Variants in CAP2 observed in about 807,000 individuals in gnomAD.
CAP2 encodes cyclase associated actin cytoskeleton regulatory protein 2, also known as adenylyl cyclase-associated protein 2.
A neutral mutation model predicts 57.7 loss-of-function variants in CAP2; 24 were observed. That is an observed-to-expected ratio of 0.42 (90% confidence interval 0.30 to 0.58). The LOEUF (loss-of-function observed/expected upper bound fraction) is 0.58, where lower values mean the gene tolerates loss of function less well. CAP2 is among the 20% of genes least tolerant of loss of function. The pLI is 0.22. For missense variants in CAP2, 501 were observed against 590.3 expected, an observed-to-expected ratio of 0.85 and a Z score of 1.57; for synonymous variants, 194 against 207.2, an observed-to-expected ratio of 0.94 and a Z score of 0.55.
chr6:17,464,498 C>T (rs565769827), intron 4 of CAP2, among the ~76,000 whole-genome samples: 2 of 152,286 alleles, frequency 1.3e-5, no homozygotes, highest in East Asian at 3.9e-4. Context: ...CCCAGCCATG[C>T]TTGTGCAGTA....
intron 7 of CAP2, among the ~76,000 whole-genome samples, chr6:17,529,099 T>C (rs1762576345): frequency 6.6e-6 from 1 of 152,110 alleles, no homozygotes; most frequent in Admixed American, 6.6e-5. Flanking sequence ...AATAAGAGAA[T>C]GGAGACAAAA....
At chr6:17,516,297 A>G (rs528765153) in intron 7 of CAP2, among the ~76,000 whole-genome samples, 2 of 152,228 alleles carry the variant, frequency 1.3e-5, no homozygotes, top group South Asian at 4.2e-4. Context: ...AGCCCCTAGT[A>G]TAGTGCCTGG....
intron 1 of CAP2, among the ~76,000 whole-genome samples, chr6:17,402,390 C>T (rs187695970): frequency 3.2e-4 from 49 of 152,252 alleles, no homozygotes; most frequent in African/African-American, 1.4e-4. Context: ...GTATAAATTT[C>T]GTTTCAGGGG....
intron 1 of CAP2, among the ~76,000 whole-genome samples, chr6:17,415,483 T>G (rs1759250585): frequency 6.6e-6 from 1 of 152,230 alleles, no homozygotes; most frequent in African/African-American, 2.4e-5. Context: ...AAATGAAAAT[T>G]TCTCCTATGA....
chr6:17,499,417 A>AT (rs1761744699), intron 4 of CAP2, among the ~76,000 whole-genome samples: 1 of 151,272 alleles, frequency 6.6e-6, no homozygotes, highest in South Asian at 2.1e-4. Flanking sequence ...AAAAAAAAAA[A>AT]AAATTAAAGT....
At chr6:17,451,296 G>A (rs1218881610) in intron 3 of CAP2, among the ~76,000 whole-genome samples, 1 of 151,530 alleles carries the variant, frequency 6.6e-6, no homozygotes, top group Non-Finnish European at 1.5e-5. Context: ...AATGTTTCTT[G>A]TGTTTTGTCA....
intron 2 of CAP2, among the ~76,000 whole-genome samples, chr6:17,425,528 A>G (rs575947292): frequency 6.6e-6 from 1 of 152,200 alleles, no homozygotes; most frequent in Non-Finnish European, 1.5e-5. Context: ...AACTGTTTGT[A>G]AGGTCATTAT....
At chr6:17,528,537 G>A (rs1284388561) in intron 7 of CAP2, among the ~76,000 whole-genome samples, 1 of 152,156 alleles carries the variant, frequency 6.6e-6, no homozygotes. Flanking sequence ...AGGAGGGTGG[G>A]AGGAGTGGAG....
intron 4 of CAP2, among the ~76,000 whole-genome samples, chr6:17,478,788 T>TC (rs1162715769): frequency 1.3e-5 from 2 of 152,110 alleles, no homozygotes; most frequent in Non-Finnish European, 2.9e-5. Flanking sequence ...TTCCTCCTTA[T>TC]CATTTGACCA....
intron 4 of CAP2, among the ~76,000 whole-genome samples, chr6:17,500,315 G>A (rs1020316515): frequency 9.0e-6 from 1 of 110,786 alleles, no homozygotes; most frequent in Non-Finnish European, 1.9e-5. Context: ...ATTAGAATGT[G>A]TCCAAATATA....
chr6:17,544,132 A>AG (rs1055594465), intron 11 of CAP2, among the ~76,000 whole-genome samples: 4 of 151,290 alleles, frequency 2.6e-5, no homozygotes, highest in African/African-American at 7.3e-5. Flanking sequence ...CTCAAAAAAA[A>AG]AAAAAGAAAA....
intron 1 of CAP2, among the ~76,000 whole-genome samples, chr6:17,403,495 T>C (rs1488105869): frequency 1.3e-5 from 2 of 152,232 alleles, no homozygotes; most frequent in East Asian, 3.8e-4. Flanking sequence ...CCAATAAAGT[T>C]GCTTTTTATT....
rs747710559 is a variant in CAP2, at chr6:17,420,502, C to T, written c.-1-1053C>T. On this transcript the variant is annotated intron_variant, in intron 1 of 12. Coordinates refer to ENST00000229922, the MANE Select transcript of CAP2 (RefSeq NM_006366.3). ...GATGCTCAGAGTCATAAACTCAGTTCTCCTGGGCAGGGTTGTTTGGTTTTA... is the reference window on the plus strand; with the variant it reads ...GATGCTCAGAGTCATAAACTCAGTTTTCCTGGGCAGGGTTGTTTGGTTTTA... Among the ~76,000 whole-genome samples, 78 of 152,316 alleles carry T rather than the reference C, an allele frequency of 5.1e-4. 1 individual carries two copies. In the Middle Eastern group the frequency reaches 0.014, roughly 27 times the overall value.
At chr6:17,533,649 A>G (rs1330036406) in intron 7 of CAP2, among the ~76,000 whole-genome samples, 2 of 151,136 alleles carry the variant, frequency 1.3e-5, no homozygotes, top group Non-Finnish European at 2.9e-5. Context: ...GCTCACTGCA[A>G]CCTCTGCCTC....
intron 7 of CAP2, among the ~76,000 whole-genome samples, chr6:17,524,984 C>A (rs1239126400): frequency 6.6e-6 from 1 of 150,772 alleles, no homozygotes; most frequent in African/African-American, 2.5e-5. Context: ...GCAACCTCTG[C>A]CTTTCGTGTT....
chr6:17,508,235 G>A (rs1261341096), intron 6 of CAP2, among the ~76,000 whole-genome samples: 1 of 152,202 alleles, frequency 6.6e-6, no homozygotes, highest in East Asian at 1.9e-4. Flanking sequence ...AAGACTAGCA[G>A]CCATTCAGAG....
intron 8 of CAP2, among the ~76,000 whole-genome samples, chr6:17,540,613 G>T (rs567890402): frequency 1.4e-4 from 22 of 152,100 alleles, no homozygotes; most frequent in Non-Finnish European, 2.5e-4. Flanking sequence ...TTAGCTAAGC[G>T]TGTGGTGGTG....
At chr6:17,466,398 G>A (rs1283269796) in intron 4 of CAP2, among the ~76,000 whole-genome samples, 1 of 152,144 alleles carries the variant, frequency 6.6e-6, no homozygotes, top group Non-Finnish European at 1.5e-5. Flanking sequence ...AAGACTCTGC[G>A]GTTCTAAAAT....
chr6:17,492,936 C>T (rs190879886), intron 4 of CAP2, among the ~76,000 whole-genome samples: 22 of 152,104 alleles, frequency 1.4e-4, no homozygotes, highest in Admixed American at 7.9e-4. Flanking sequence ...AATATTGTAA[C>T]AGATAAAAAG....
Sources: gnomAD v4.1 joint callset for allele counts (sites outside exome capture counted in the v4.1 genomes callset) on GRCh38, gnomAD v4.1.1 for gene constraint, MANE v1.5 for transcripts, NCBI Gene and HGNC (gene_info 2026-07-23, HGNC 2026-07-21) for gene names.